Variants in RING1 observed in about 807,000 individuals in gnomAD.
The protein encoded by RING1 is ring finger protein 1.
RING1 carries 8 observed loss-of-function variants against 35.0 expected under a neutral mutation model. That is an observed-to-expected ratio of 0.23 (90% CI 0.13 to 0.41). The LOEUF is 0.41. Among genes scored for constraint, RING1 ranks in the 10% least tolerant of loss-of-function variants. The probability of loss-of-function intolerance (pLI) is 1.00; values close to 1 mark genes in which losing one functional copy is unlikely to be tolerated. For synonymous variants in RING1, 214 were observed against 224.3 expected, an observed-to-expected ratio of 0.95 and a Z score of 0.41; for missense variants, 343 against 546.8, an observed-to-expected ratio of 0.63 and a Z score of 3.72.
chr6:33,208,540 G>A lies in RING1; in HGVS notation c.-163G>A, dbSNP rs1310534978. 5 of 421,702 alleles carry A rather than the reference G, an allele frequency of 1.2e-5. No homozygotes were observed. The highest frequency in any genetic ancestry group is 2.1e-5 in the Non-Finnish European group (5 of 240,986). 26.1% of individuals were successfully genotyped at this position (421,702 alleles called of 1,614,324 possible). On this transcript the variant is annotated 5_prime_UTR_variant, in exon 1 of 7. Transcript: ENST00000374656. This position sits in a 1 kb window ranked among gnomAD's most constrained non-coding sequence, Gnocchi z 6.2. The stretch of plus-strand genomic sequence containing the variant: ...CCGGGCCATGGCGGCGGCGGTGGCG[G>A]GAGCTGCTGTCTGAGCAGCGGTTGC...
Position 33,211,518 on chromosome 6 carries a change from C to A in RING1, c.816C>A (p.Leu272=), listed in dbSNP as rs766418741. 10 of 1,612,226 alleles carry A rather than the reference C, an allele frequency of 6.2e-6. No homozygotes were observed. Among genetic ancestry groups the A allele is most frequent in the Non-Finnish European group, 5.1e-6 (6 of 1,179,960 alleles). Residue 272 remains leucine (L), a synonymous_variant, in exon 5 of 7, where the codon CTC becomes CTA. Transcript: ENST00000374656. This position sits in a 1 kb window ranked among gnomAD's most constrained non-coding sequence, Gnocchi z 6.3. ...IELVFRPHPL[L]VEKGEYCQTR... is the part of the protein sequence containing the mutation. ...TCGTGTTCCGGCCCCACCCCCTGCT[C>A]GTGGAGAAGGGAGAATACTGCCAGA...
At position 33,209,791 on chromosome 6, in the gene RING1, T is replaced by C; in HGVS notation, c.239+5T>C. 1 of 1,613,766 alleles carries C rather than the reference T, an allele frequency of 6.2e-7. No homozygotes were observed. Among genetic ancestry groups the C allele is most frequent in the Non-Finnish European group, 8.5e-7 (1 of 1,179,750 alleles). ...TGTCACAGCCCTACGGAGCGGGTAA[T>C]AGGAGAGACATGTTTGAGATGAGAT... On this transcript the variant is annotated splice_donor_5th_base_variant and intron_variant, in intron 3 of 6. Transcript: ENST00000374656. This position sits in a 1 kb window ranked among gnomAD's most constrained non-coding sequence, Gnocchi z 5.1.
chr6:33,209,955 A>G lies in RING1; in HGVS notation c.280A>G (p.Lys94Glu). The change falls in exon 4 of 7, where the codon AAG becomes GAG. Residue 94 changes from lysine (K) to glutamate (E), a missense_variant. By Grantham distance (56) the Lys-to-Glu change is moderately conservative. Around this residue, in one of 2 missense-constraint regions of RING1, gnomAD observed 65 missense variants for 163.3 expected, o/e 0.40. Transcript: ENST00000374656. This position sits in a 1 kb window ranked among gnomAD's most constrained non-coding sequence, Gnocchi z 5.1. ...TACCTGCCGAAAGAAGCTGGTGTCC[A>G]AGCGATCCCTACGGCCAGACCCCAA... ...CPTCRKKLVSKRSLRPDPNFD... is the reference protein window; with the variant it reads ...CPTCRKKLVSERSLRPDPNFD... 1 of 1,614,160 alleles carries G rather than the reference A, an allele frequency of 6.2e-7. No homozygotes were observed. Among genetic ancestry groups the G allele is most frequent in the Non-Finnish European group, 8.5e-7 (1 of 1,180,022 alleles).
rs539256609 is a variant in RING1 at position 33,209,051 on chromosome 6, C to T, written c.78+151C>T. 5.1e-5 allele frequency: 37 copies of T among 730,878 alleles called. No homozygotes were observed. Among genetic ancestry groups the T allele is most frequent in the South Asian group, 5.0e-4 (34 of 67,620 alleles). The allele number at this position is 730,878 out of a possible 1,614,324, so 45.3% of individuals were successfully genotyped here. ...CCTTAATCTTTCCAAAGCACTTTCG[C>T]ATTTAGCTCATTTAATCCTCAAAAC... is the stretch of plus-strand genomic sequence containing the variant. On this transcript the variant is annotated intron_variant, in intron 2 of 6. Transcript: ENST00000374656. This position sits in a 1 kb window ranked among gnomAD's most constrained non-coding sequence, Gnocchi z 5.1.
rs1223934912 is a variant in RING1, at chr6:33,208,517, G to C, written c.-186G>C. ...GAAGTGACGTAGGGCCCCAGCGCCC[G>C]GGCCATGGCGGCGGCGGTGGCGGGA... is the stretch of plus-strand genomic sequence containing the variant. On this transcript the variant is annotated 5_prime_UTR_variant, in exon 1 of 7. Transcript: ENST00000374656. This position sits in a 1 kb window ranked among gnomAD's most constrained non-coding sequence, Gnocchi z 6.2. 4.8e-6 allele frequency: 2 copies of C among 420,996 alleles called. No homozygotes were observed. Among genetic ancestry groups the C allele is most frequent in the South Asian group, 8.0e-5 (1 of 12,532 alleles). The allele number at this position is 420,996 out of a possible 1,614,324, so 26.1% of individuals were successfully genotyped here.
rs559658765 is a variant in RING1, at chr6:33,211,383, C to T, written c.681C>T (p.Ala227=). 4.6e-5 allele frequency: 69 copies of T among 1,503,278 alleles called. No homozygotes were observed. In the East Asian group the frequency reaches 1.4e-3, roughly 31 times the overall value. 93.1% of individuals were successfully genotyped at this position (1,503,278 alleles called of 1,614,324 possible). A position where few individuals can be genotyped will look rare whatever the true frequency, so the allele number is the denominator to read the frequency against. ...GCACTGGTGGGGTGGGTGGGGGTGC[C>T]GGTTCGGAAGACTCTGGTGACCGGG... ...GGGTGGVGGG[A]GSEDSGDRGG... Residue 227 remains alanine (A), a synonymous_variant, in exon 5 of 7, where the codon GCC becomes GCT. Coordinates refer to ENST00000374656, the MANE Select transcript of RING1 (RefSeq NM_002931.4). This position sits in a 1 kb window ranked among gnomAD's most constrained non-coding sequence, Gnocchi z 6.3.
At position 33,212,493 on chromosome 6, in the gene RING1, C is replaced by T. The variant is rs1775620670; in HGVS notation, c.*94C>T. The T allele has an allele frequency of 3.9e-6, 3 of 765,510 alleles. No homozygotes were observed. The highest frequency in any genetic ancestry group is 4.5e-6 in the Non-Finnish European group (2 of 448,734). The allele number at this position is 765,510 out of a possible 1,614,324, so 47.4% of individuals were successfully genotyped here. A position where few individuals can be genotyped will look rare whatever the true frequency, so the allele number is the denominator to read the frequency against. ...TTCTTTGTCCCCCAGTACCCCCAGC[C>T]CAGCCAGCCAATAAGAGGACACAAA... On this transcript the variant is annotated 3_prime_UTR_variant, in exon 7 of 7. Transcript: ENST00000374656.
chr6:33,209,126 C>G lies in RING1; in HGVS notation c.78+226C>G, dbSNP rs1562449677. 1 of 698,544 alleles carries G rather than the reference C, an allele frequency of 1.4e-6. No homozygotes were observed. The highest frequency in any genetic ancestry group is 2.6e-6 in the Non-Finnish European group (1 of 382,902). The allele number at this position is 698,544 out of a possible 1,614,324, so 43.3% of individuals were successfully genotyped here. A position where few individuals can be genotyped will look rare whatever the true frequency, so the allele number is the denominator to read the frequency against. On this transcript the variant is annotated intron_variant, in intron 2 of 6. Coordinates refer to ENST00000374656, the MANE Select transcript of RING1 (RefSeq NM_002931.4). The surrounding 1 kb of genome is among the most constrained non-coding windows in gnomAD (Gnocchi z 5.1). Reference sequence around the variant, plus strand: ...GTATTATTATCTTCATTTGAAAGATCACAAACACAAAAATTACCTTCCCTG... The same window carrying G: ...GTATTATTATCTTCATTTGAAAGATGACAAACACAAAAATTACCTTCCCTG...
At position 33,211,868 on chromosome 6, in the gene RING1, C is replaced by G; in HGVS notation, c.985C>G (p.Pro329Ala). 6.3e-7 allele frequency: 1 copy of G among 1,597,328 alleles called. No homozygotes were observed. The highest frequency in any genetic ancestry group is 2.3e-5 in the East Asian group (1 of 43,642). ...AGGGGGCGCCTCTGACACCGGAGGA[C>G]CTGATGGGTGTGGCGGGGAGGGTGG... ...PGGGASDTGG[P>A]DGCGGEGGGA... The change falls in exon 6 of 7, where the codon CCT becomes GCT. Residue 329 changes from proline to alanine, a missense_variant. Coordinates refer to ENST00000374656, the MANE Select transcript of RING1 (RefSeq NM_002931.4). The surrounding 1 kb of genome is among the most constrained non-coding windows in gnomAD (Gnocchi z 6.3).
Position 33,211,367 on chromosome 6 carries a change from G to C in RING1, c.665G>C (p.Gly222Ala). ...SVGTGGGGTG[G>A]VGGGAGSEDS... ...GGGACAGGGGGAGGCGGCACTGGTG[G>C]GGTGGGTGGGGGTGCCGGTTCGGAA... Residue 222 changes from glycine (G) to alanine (A), a missense_variant, in exon 5 of 7, where the codon GGG becomes GCG. By Grantham distance (60) the Gly-to-Ala change is moderately conservative. Coordinates refer to ENST00000374656, the MANE Select transcript of RING1 (RefSeq NM_002931.4). The surrounding 1 kb of genome is among the most constrained non-coding windows in gnomAD (Gnocchi z 6.3). The C allele has an allele frequency of 6.4e-7, 1 of 1,562,298 alleles. No individual in the cohort carries two copies. The highest frequency in any genetic ancestry group is 8.7e-7 in the Non-Finnish European group (1 of 1,153,408).
chr6:33,210,416 CAT>C (rs1398900586), intron 4 of RING1, among the ~76,000 whole-genome samples: 2 of 152,046 alleles, frequency 1.3e-5, no homozygotes, highest in African/African-American at 4.8e-5. Context: ...CCTTGAATAA[CAT>C]AGGGAAATCT....
rs892586949 is a variant in RING1 at position 33,212,527 on chromosome 6, C to T, written c.*128C>T. 1.6e-6 allele frequency: 1 copy of T among 639,418 alleles called. No homozygotes were observed. The highest frequency in any genetic ancestry group is 1.8e-5 in the African/African-American group (1 of 54,586). The allele number at this position is 639,418 out of a possible 1,614,324, so 39.6% of individuals were successfully genotyped here. A position where few individuals can be genotyped will look rare whatever the true frequency, so the allele number is the denominator to read the frequency against. On this transcript the variant is annotated 3_prime_UTR_variant, in exon 7 of 7. Coordinates refer to ENST00000374656, the MANE Select transcript of RING1 (RefSeq NM_002931.4). ...CAATAAGAGGACACAAATGAGGACA[C>T]GTGGCTTTTATACAAAGTATCTATA...
Position 33,208,704 on chromosome 6 carries a change from G to A in RING1, c.-59+60G>A, listed in dbSNP as rs968146506. On this transcript the variant is annotated intron_variant, in intron 1 of 6. Transcript: ENST00000374656. The surrounding 1 kb of genome is among the most constrained non-coding windows in gnomAD (Gnocchi z 6.2). The stretch of plus-strand genomic sequence containing the variant: ...GGGCGGAGAGGGGCGCTTCTGGAGG[G>A]GCGGGGTCTACGCGAGGGGCGGCCC... 1.1e-5 allele frequency: 9 copies of A among 799,992 alleles called. No homozygotes were observed. The highest frequency in any genetic ancestry group is 6.3e-5 in the Admixed American group (2 of 31,740). 49.6% of individuals were successfully genotyped at this position (799,992 alleles called of 1,614,324 possible). A position where few individuals can be genotyped will look rare whatever the true frequency, so the allele number is the denominator to read the frequency against.
In RING1 at chr6:33,209,331, T is replaced by C. The variant is rs2150703120; in HGVS notation, c.79-295T>C. ...GTAGCACCAGGACTTTAAAAAATTT[T>C]GTTGAATAGTTTTTCCCAACCACAG... On this transcript the variant is annotated intron_variant, in intron 2 of 6. Transcript: ENST00000374656. This position sits in a 1 kb window ranked among gnomAD's most constrained non-coding sequence, Gnocchi z 5.1. The C allele has an allele frequency of 1.7e-6, 1 of 579,662 alleles. No individual in the cohort carries two copies. Among genetic ancestry groups the C allele is most frequent in the South Asian group, 2.1e-5 (1 of 48,188 alleles). The allele number at this position is 579,662 out of a possible 1,614,324, so 35.9% of individuals were successfully genotyped here.
At position 33,209,302 on chromosome 6, in the gene RING1, A is replaced by G. The variant is rs964153256; in HGVS notation, c.79-324A>G. On this transcript the variant is annotated intron_variant, in intron 2 of 6. Transcript: ENST00000374656. The surrounding 1 kb of genome is among the most constrained non-coding windows in gnomAD (Gnocchi z 5.1). ...AACAGGCACCCTATGGGGTTCTAAT[A>G]CAGGTAGCACCAGGACTTTAAAAAA... 7.1e-6 allele frequency: 4 copies of G among 565,168 alleles called. No individual in the cohort carries two copies. The African/African-American group carries it at 7.5e-5, about 11-fold the overall frequency. 35.0% of individuals were successfully genotyped at this position (565,168 alleles called of 1,614,324 possible). A position where few individuals can be genotyped will look rare whatever the true frequency, so the allele number is the denominator to read the frequency against.
rs1775371667 is a variant in RING1, at chr6:33,209,278, A to G, written c.79-348A>G. Reference sequence around the variant, plus strand: ...TGGGTTCTCAGAATCTGAATTTTTAACAGGCACCCTATGGGGTTCTAATAC... The same window carrying G: ...TGGGTTCTCAGAATCTGAATTTTTAGCAGGCACCCTATGGGGTTCTAATAC... On this transcript the variant is annotated intron_variant, in intron 2 of 6. Transcript: ENST00000374656. This position sits in a 1 kb window ranked among gnomAD's most constrained non-coding sequence, Gnocchi z 5.1. 3.6e-6 allele frequency: 2 copies of G among 562,546 alleles called. No homozygotes were observed. Among genetic ancestry groups the G allele is most frequent in the South Asian group, 4.0e-5 (2 of 50,422 alleles). 34.8% of individuals were successfully genotyped at this position (562,546 alleles called of 1,614,324 possible). A position where few individuals can be genotyped will look rare whatever the true frequency, so the allele number is the denominator to read the frequency against.
rs1403065660 is a variant in RING1, at chr6:33,211,456, GC to G, written c.759del (p.Ser254AlafsTer31). 6 of 1,597,652 alleles carry G rather than the reference GC, an allele frequency of 3.8e-6. No homozygotes were observed. The highest frequency in any genetic ancestry group is 1.1e-5 in the South Asian group (1 of 89,728). ...GTLGPPSPPG[A>X]PSPPEPGGEI... ...GCTGGGCCCCCCAAGCCCTCCTGGGGCCCCCAGCCCCCCAGAGCCAGGTGGA... is the reference window on the plus strand; with the variant it reads ...GCTGGGCCCCCCAAGCCCTCCTGGGGCCCCAGCCCCCCAGAGCCAGGTGGA... On this transcript the variant is annotated frameshift_variant, in exon 5 of 7. Transcript: ENST00000374656. LOFTEE classifies it high-confidence loss of function. This position sits in a 1 kb window ranked among gnomAD's most constrained non-coding sequence, Gnocchi z 6.3.
Position 33,211,520 on chromosome 6 carries a change from T to C in RING1, c.818T>C (p.Val273Ala). 2 of 1,612,064 alleles carry C rather than the reference T, an allele frequency of 1.2e-6. No homozygotes were observed. Among genetic ancestry groups the C allele is most frequent in the Non-Finnish European group, 1.7e-6 (2 of 1,179,910 alleles). The change falls in exon 5 of 7, where the codon GTG becomes GCG. Residue 273 changes from valine (V) to alanine (A), a missense_variant. Val to Ala is a moderately conservative substitution (Grantham distance 64). Around this residue, in one of 2 missense-constraint regions of RING1, gnomAD observed 278 missense variants for 383.5 expected, o/e 0.72. Coordinates refer to ENST00000374656, the MANE Select transcript of RING1 (RefSeq NM_002931.4). The surrounding 1 kb of genome is among the most constrained non-coding windows in gnomAD (Gnocchi z 6.3). ...ELVFRPHPLL[V>A]EKGEYCQTRY... Reference sequence around the variant, plus strand: ...GTGTTCCGGCCCCACCCCCTGCTCGTGGAGAAGGGAGAATACTGCCAGACG... The same window carrying C: ...GTGTTCCGGCCCCACCCCCTGCTCGCGGAGAAGGGAGAATACTGCCAGACG...
At chr6:33,210,234 A>G (rs1319529375) in intron 4 of RING1, 104 bp downstream of exon 4, 1 of 974,826 alleles carries the variant, frequency 1.0e-6, no homozygotes, top group African/African-American at 1.6e-5. Context: ...CTGACCACAG[A>G]CTGATCATTA....
Sources: gnomAD v4.1 joint callset for allele counts (sites outside exome capture counted in the v4.1 genomes callset) on GRCh38, gnomAD v4.1.1 for gene constraint, gnomAD v4.1.1 regional missense constraint, Gnocchi (gnomAD v3.1) non-coding constraint, MANE v1.5 for transcripts, NCBI Gene and HGNC (gene_info 2026-07-23, HGNC 2026-07-21) for gene names.